CEP63: variants seen among roughly 807,000 people sequenced by gnomAD.
The protein encoded by CEP63 is centrosomal protein of 63 kDa.
In CEP63, 84 loss-of-function variants were observed where a neutral mutation model predicts 89.1. That is an observed-to-expected ratio of 0.94 (90% confidence interval 0.79 to 1.13). The LOEUF is 1.13. Ranked by LOEUF, CEP63 falls within the 50% of genes most tolerant of loss-of-function variation. The probability of loss-of-function intolerance (pLI) is 0.00; values close to 1 mark genes in which losing one functional copy is unlikely to be tolerated. For synonymous variants in CEP63, 267 were observed against 272.5 expected (o/e 0.98, Z 0.20); for missense variants, 838 against 813.3 (o/e 1.03, Z -0.37).
chr3:134,697,813 G>A, the CEP63 span, among the ~76,000 whole-genome samples: 1,180 of 152,220 alleles, frequency 7.8e-3, 14 homozygotes, highest in African/African-American at 0.027. Flanking sequence ...AGTCATTTTT[G>A]TAAAATGACA....
At chr3:134,724,625 CGTAA>C in the CEP63 span, among the ~76,000 whole-genome samples, 7 of 152,166 alleles carry the variant, frequency 4.6e-5, no homozygotes, top group African/African-American at 1.7e-4. Flanking sequence ...CATATAAAAT[CGTAA>C]GTGATAGCTT....
intron 3 of CEP63, among the ~76,000 whole-genome samples, chr3:134,518,243 G>A (rs1215077299): frequency 3.3e-5 from 5 of 152,104 alleles, no homozygotes; most frequent in Non-Finnish European, 5.9e-5. Context: ...AATACAACAA[G>A]CAGAGAAAAC....
At chr3:134,540,178 T>G (rs548083871) in intron 6 of CEP63, among the ~76,000 whole-genome samples, 1 of 152,198 alleles carries the variant, frequency 6.6e-6, no homozygotes, top group Admixed American at 6.5e-5. Context: ...ATATATAGAA[T>G]GCTTACTAAG....
Position 134,559,158 on chromosome 3 carries a change from A to C in CEP63, c.1682A>C (p.His561Pro). The change falls in exon 14 of 15, where the codon CAT becomes CCT. Residue 561 changes from histidine to proline, a missense_variant. Transcript: ENST00000675561. ...EFKNTEFKPT[H>P]GQHRHDGIKT... ...TCTAATCTACCATCCAGGCCAACCC[A>C]TGGCCAGCACAGACATGATGGAATA... 1 of 1,614,006 alleles carries C rather than the reference A, an allele frequency of 6.2e-7. No individual in the cohort carries two copies. Among genetic ancestry groups the C allele is most frequent in the East Asian group, 2.2e-5 (1 of 44,874 alleles).
At chr3:134,610,397 AG>A in the CEP63 span, 2 of 1,603,262 alleles carry the variant, frequency 1.2e-6, no homozygotes, top group South Asian at 1.1e-5. Context: ...GGGGCAGGAC[AG>A]GGGGTCTGAG....
chr3:134,589,638 C>T (rs1001097147), downstream of CEP63, among the ~76,000 whole-genome samples: 3 of 149,622 alleles, frequency 2.0e-5, no homozygotes, highest in Non-Finnish European at 4.4e-5. Flanking sequence ...AATGCTTATA[C>T]ACTGCTGGTG....
rs1950070784 is a variant in CEP63, at chr3:134,532,650, G to A, written c.319-128G>A. Reference sequence around the variant, plus strand: ...ATTTTTAGTTTCCTTTTGTGTTTTAGTTTGGAAATCTAACATGTTCTCAGT... The same window carrying A: ...ATTTTTAGTTTCCTTTTGTGTTTTAATTTGGAAATCTAACATGTTCTCAGT... On this transcript the variant is annotated intron_variant, in intron 4 of 14. Coordinates refer to ENST00000675561, the MANE Select transcript of CEP63 (RefSeq NM_001353108.3). 15 of 657,626 alleles carry A rather than the reference G, an allele frequency of 2.3e-5. No homozygotes were observed. The Middle Eastern group carries it at 2.6e-3, about 115-fold the overall frequency. 40.7% of individuals were successfully genotyped at this position (657,626 alleles called of 1,614,324 possible).
chr3:134,587,868 A>G (rs964598448), downstream of CEP63, among the ~76,000 whole-genome samples: 4 of 152,142 alleles, frequency 2.6e-5, no homozygotes, highest in Admixed American at 1.3e-4. Context: ...GATGTTTTTA[A>G]TACATCTCTC....
Position 134,531,845 on chromosome 3 carries a change from GT to G in CEP63, c.225del (p.Gly76GlufsTer7). On this transcript the variant is annotated frameshift_variant and splice_region_variant, in exon 4 of 15. Coordinates refer to ENST00000675561, the MANE Select transcript of CEP63 (RefSeq NM_001353108.3). LOFTEE classifies it high-confidence loss of function. ...AATACTACCACCTTTCTGCTTTTAG[GT>G]TGGAATGTTGCATCAGCAGGTAGAA... is the stretch of plus-strand genomic sequence containing the variant. ...RSQLDVTHKE[V>X]GMLHQQVEEH... 1 of 1,611,120 alleles carries G rather than the reference GT, an allele frequency of 6.2e-7. No homozygotes were observed. The highest frequency in any genetic ancestry group is 8.5e-7 in the Non-Finnish European group (1 of 1,177,482).
chr3:134,619,295 G>A, the CEP63 span: 2 of 1,557,300 alleles, frequency 1.3e-6, no homozygotes, highest in South Asian at 2.2e-5. Flanking sequence ...ATCATGAAGA[G>A]CTTGAGCCTG....
chr3:134,771,643 GT>G, the CEP63 span, among the ~76,000 whole-genome samples: 1 of 152,154 alleles, frequency 6.6e-6, no homozygotes, highest in Non-Finnish European at 1.5e-5. Context: ...CTGTCAGTGG[GT>G]GGTGGGATAG....
At chr3:134,505,979 G>C (rs1301485933) in intron 2 of CEP63, among the ~76,000 whole-genome samples, 1 of 152,172 alleles carries the variant, frequency 6.6e-6, no homozygotes, top group African/African-American at 2.4e-5. Flanking sequence ...AGCATTTTGG[G>C]GGGACTTTTT....
At chr3:134,724,343 G>C in the CEP63 span, among the ~76,000 whole-genome samples, 1 of 152,218 alleles carries the variant, frequency 6.6e-6, no homozygotes, top group Admixed American at 6.5e-5. Flanking sequence ...TCTGCTAAGG[G>C]GGTTTGAGTT....
chr3:134,644,596 C>A, the CEP63 span, among the ~76,000 whole-genome samples: 1 of 152,226 alleles, frequency 6.6e-6, no homozygotes, highest in Non-Finnish European at 1.5e-5. Flanking sequence ...GTGGGCTTGT[C>A]ACTGGAAGTG....
chr3:134,646,020 G>C, the CEP63 span, among the ~76,000 whole-genome samples: 1 of 152,198 alleles, frequency 6.6e-6, no homozygotes, highest in African/African-American at 2.4e-5. Context: ...TGAGACAGCT[G>C]CAACCAACAA....
the CEP63 span, among the ~76,000 whole-genome samples, chr3:134,667,863 C>A: frequency 1.3e-5 from 2 of 152,292 alleles, no homozygotes; most frequent in Non-Finnish European, 1.5e-5. Flanking sequence ...AGGAGGGCAT[C>A]TTTTATTGGT....
the CEP63 span, among the ~76,000 whole-genome samples, chr3:134,708,506 A>G: frequency 6.6e-6 from 1 of 152,222 alleles, no homozygotes; most frequent in Non-Finnish European, 1.5e-5. Flanking sequence ...CCTGTTCTGC[A>G]GTTCTGTCTA....
At chr3:134,728,423 G>C in the CEP63 span, among the ~76,000 whole-genome samples, 1 of 152,182 alleles carries the variant, frequency 6.6e-6, no homozygotes, top group Admixed American at 6.5e-5. Context: ...GAATGACTGT[G>C]CTAGCATTAT....
chr3:134,770,511 C>T, the CEP63 span, among the ~76,000 whole-genome samples: 3 of 152,188 alleles, frequency 2.0e-5, no homozygotes, highest in Admixed American at 6.5e-5. Context: ...TCACTTGATT[C>T]TATTCTCAGG....
Sources: gnomAD v4.1 joint callset for allele counts (sites outside exome capture counted in the v4.1 genomes callset) on GRCh38, gnomAD v4.1.1 for gene constraint, MANE v1.5 for transcripts, NCBI Gene and HGNC (gene_info 2026-07-23, HGNC 2026-07-21) for gene names.